The following SEC14L2 variants were observed in gnomAD, a reference collection of about 807,000 sequenced individuals.
SEC14L2 encodes SEC14 like lipid binding 2, also known as SEC14-like protein 2.
SEC14L2 carries 50 observed loss-of-function variants against 56.9 expected under a neutral mutation model. That is an observed-to-expected ratio of 0.88 (90% CI 0.70 to 1.11). The LOEUF (loss-of-function observed/expected upper bound fraction) is 1.11, where lower values mean the gene tolerates loss of function less well. Ranked by LOEUF, SEC14L2 falls within the 50% of genes most tolerant of loss-of-function variation. SEC14L2 has a pLI of 0.00. For synonymous variants in SEC14L2, 179 were observed against 188.5 expected (o/e 0.95, Z 0.41); for missense variants, 414 against 500.7 (o/e 0.83, Z 1.65).
chr22:30,421,899 ATTG>A (rs1490536797), intron 11 of SEC14L2: 1 of 173,594 alleles, frequency 5.8e-6, no homozygotes, highest in Non-Finnish European at 1.2e-5. Flanking sequence ...CACAGCTATT[ATTG>A]TTATTACAAC....
rs1601765562 is a variant in SEC14L2 at position 30,397,044 on chromosome 22, C to T, written c.-73C>T. Reference sequence around the variant, plus strand: ...ACTTTACTCCGGGTGGCGGCGAGGACGAGTCTGTGCTCCATCAGCTGCCGC... The same window carrying T: ...ACTTTACTCCGGGTGGCGGCGAGGATGAGTCTGTGCTCCATCAGCTGCCGC... On this transcript the variant is annotated 5_prime_UTR_variant, in exon 1 of 12. The change creates a new upstream start codon in the 5' untranslated region. Transcript: ENST00000615189. 7.4e-7 allele frequency: 1 copy of T among 1,350,762 alleles called. No individual in the cohort carries two copies. Among genetic ancestry groups the T allele is most frequent in the Non-Finnish European group, 1.0e-6 (1 of 969,408 alleles). The allele number at this position is 1,350,762 out of a possible 1,614,324, so 83.7% of individuals were successfully genotyped here. A position where few individuals can be genotyped will look rare whatever the true frequency, so the allele number is the denominator to read the frequency against.
chr22:30,416,283 A>T lies in SEC14L2; in HGVS notation c.961A>T (p.Lys321Ter). ...GGATGTTGGTTTTGGGATTTTCCTG[A>T]AGACCAAGATGGGAGAGAGGCAGCG... Reference protein sequence around the residue: ...GADVGFGIFLKTKMGERQRAG... With the variant: ...GADVGFGIFL Residue 321 changes from lysine (K) to a stop codon, truncating the protein, a stop_gained, in exon 11 of 12, where the codon AAG becomes TAG. Transcript: ENST00000615189. LOFTEE classifies it high-confidence loss of function. The T allele has an allele frequency of 6.2e-7, 1 of 1,614,236 alleles. No homozygotes were observed. Among genetic ancestry groups the T allele is most frequent in the Non-Finnish European group, 8.5e-7 (1 of 1,180,032 alleles).
In SEC14L2 at chr22:30,422,600, G is replaced by A; in HGVS notation, c.*193G>A. Reference sequence around the variant, plus strand: ...TCCGTGTCTATCAAATACCTAAGGAGTCCCCAGGAGCTGGCTGGCCATCGT... The same window carrying A: ...TCCGTGTCTATCAAATACCTAAGGAATCCCCAGGAGCTGGCTGGCCATCGT... On this transcript the variant is annotated 3_prime_UTR_variant, in exon 12 of 12. Coordinates refer to ENST00000615189, the MANE Select transcript of SEC14L2 (RefSeq NM_012429.5). The A allele has an allele frequency of 1.7e-6, 1 of 605,776 alleles. No homozygotes were observed. Among genetic ancestry groups the A allele is most frequent in the Non-Finnish European group, 2.8e-6 (1 of 359,490 alleles). 37.5% of individuals were successfully genotyped at this position (605,776 alleles called of 1,614,324 possible).
chr22:30,415,875 G>T lies in SEC14L2; in HGVS notation c.771+10G>T. On this transcript the variant is annotated intron_variant, in intron 9 of 11. Coordinates refer to ENST00000615189, the MANE Select transcript of SEC14L2 (RefSeq NM_012429.5). The stretch of plus-strand genomic sequence containing the variant: ...CAAGTGCAAATCCAAGGTATGAGCC[G>T]CCAGAGGCTAGAGGTGAACAGGGAT... The T allele has an allele frequency of 1.2e-6, 2 of 1,614,174 alleles. No individual in the cohort carries two copies. Among genetic ancestry groups the T allele is most frequent in the Non-Finnish European group, 1.7e-6 (2 of 1,180,022 alleles).
chr22:30,412,774 G>A (rs1314103867), intron 8 of SEC14L2, among the ~76,000 whole-genome samples: 1 of 147,538 alleles, frequency 6.8e-6, no homozygotes, highest in Non-Finnish European at 1.5e-5. Flanking sequence ...GGTGAGTCAT[G>A]ATGGGTGCCA....
chr22:30,413,084 T>C (rs1441879537), intron 8 of SEC14L2, among the ~76,000 whole-genome samples: 1 of 152,150 alleles, frequency 6.6e-6, no homozygotes, highest in Admixed American at 6.5e-5. Context: ...GAGAAAACTC[T>C]GGTCTGGAGA....
chr22:30,409,229 G>C lies in SEC14L2; in HGVS notation c.466G>C (p.Glu156Gln). The C allele has an allele frequency of 1.2e-6, 2 of 1,613,920 alleles. No homozygotes were observed. Among genetic ancestry groups the C allele is most frequent in the Non-Finnish European group, 1.7e-6 (2 of 1,180,000 alleles). ...GACCATCACCATAATTTATGACTGC[G>C]AGGGGCTTGGCCTCAAGCATCTCTG... Reference protein sequence around the residue: ...VETITIIYDCEGLGLKHLWKP... With the variant: ...VETITIIYDCQGLGLKHLWKP... Residue 156 changes from glutamate to glutamine, a missense_variant, in exon 6 of 12, where the codon GAG (glutamate) becomes CAG (glutamine). Coordinates refer to ENST00000615189, the MANE Select transcript of SEC14L2 (RefSeq NM_012429.5).
Position 30,397,148 on chromosome 22 carries a change from G to A in SEC14L2, c.32G>A (p.Arg11Lys), listed in dbSNP as rs757660. ...GGCAGAGTCGGCGATCTGAGCCCCA[G>A]GCAGAAGGAGGCATTGGCCAAGGTG... is the stretch of plus-strand genomic sequence containing the variant. MSGRVGDLSP[R>K]QKEALAKFRE... Residue 11 changes from arginine to lysine, a missense_variant, in exon 1 of 12, where the codon AGG (arginine) becomes AAG (lysine). Coordinates refer to ENST00000615189, the MANE Select transcript of SEC14L2 (RefSeq NM_012429.5). 0.32 allele frequency: 491,934 copies of A among 1,544,374 alleles called. 80,072 individuals carry two copies. The highest frequency in any genetic ancestry group is 0.41 in the African/African-American group (29,600 of 72,314).
intron 5 of SEC14L2, among the ~76,000 whole-genome samples, chr22:30,408,582 G>A (rs1472984072): frequency 6.6e-6 from 1 of 151,982 alleles, no homozygotes; most frequent in Non-Finnish European, 1.5e-5. Context: ...TAGACCCTGC[G>A]CCAAAAAAAA....
intron 3 of SEC14L2, 114 bp from the exon 4 acceptor site, chr22:30,406,981 G>T: frequency 1.1e-6 from 1 of 934,240 alleles, no homozygotes; most frequent in Non-Finnish European, 1.7e-6. Flanking sequence ...TGAACTCCTG[G>T]CCTCAAGTGA....
chr22:30,406,376 G>C lies in SEC14L2; in HGVS notation c.165G>C (p.Met55Ile). The change falls in exon 3 of 12, where the codon ATG (methionine) becomes ATC (isoleucine). Residue 55 changes from methionine to isoleucine, a missense_variant. Met to Ile is a conservative substitution (Grantham distance 10, BLOSUM62 1). Coordinates refer to ENST00000615189, the MANE Select transcript of SEC14L2 (RefSeq NM_012429.5). ...RSFDLQKSEA[M>I]LRKHVEFRKQ... ...TCGACCTGCAGAAGTCGGAGGCCAT[G>C]CTCCGGAAGGTGAGACACATTTGGC... is the stretch of plus-strand genomic sequence containing the variant. 2.5e-6 allele frequency: 4 copies of C among 1,614,082 alleles called. No homozygotes were observed. Among genetic ancestry groups the C allele is most frequent in the Non-Finnish European group, 3.4e-6 (4 of 1,179,962 alleles).
intron 1 of SEC14L2, chr22:30,398,786 AAG>A: frequency 2.1e-6 from 1 of 471,006 alleles, no homozygotes; most frequent in Non-Finnish European, 4.4e-6. Context: ...CCATGGTGGA[AAG>A]AGTGTGTGCT....
Position 30,397,229 on chromosome 22 carries a change from G to T in SEC14L2, c.54+59G>T, listed in dbSNP as rs1449835028. On this transcript the variant is annotated intron_variant, in intron 1 of 11. Coordinates refer to ENST00000615189, the MANE Select transcript of SEC14L2 (RefSeq NM_012429.5). ...GGGCTGTGGCCCTCGCCCTCCTGCGGCAGCGAGAAGGGACGGGGCTGGGTG... is the reference window on the plus strand; with the variant it reads ...GGGCTGTGGCCCTCGCCCTCCTGCGTCAGCGAGAAGGGACGGGGCTGGGTG... 5 of 1,403,920 alleles carry T rather than the reference G, an allele frequency of 3.6e-6. No homozygotes were observed. In the East Asian group the frequency reaches 1.4e-4, roughly 39 times the overall value. The allele number at this position is 1,403,920 out of a possible 1,614,324, so 87.0% of individuals were successfully genotyped here.
rs1236823867 is a variant in SEC14L2, at chr22:30,424,833, G to T, written c.*2426G>T. 2 of 456,668 alleles carry T rather than the reference G, an allele frequency of 4.4e-6. No homozygotes were observed. Among genetic ancestry groups the T allele is most frequent in the Middle Eastern group, 3.3e-4 (1 of 3,074 alleles). 28.3% of individuals were successfully genotyped at this position (456,668 alleles called of 1,614,324 possible). ...CTGGGTGAACTGAGGTCCAGCGGGG[G>T]AAGGCTTCCTCCTGTTGTAATCACT... On this transcript the variant is annotated 3_prime_UTR_variant, in exon 12 of 12. Coordinates refer to ENST00000615189, the MANE Select transcript of SEC14L2 (RefSeq NM_012429.5).
At chr22:30,398,875 C>T in intron 1 of SEC14L2, 1 of 453,222 alleles carries the variant, frequency 2.2e-6, no homozygotes, top group East Asian at 7.2e-5. Flanking sequence ...TGTTACTTAG[C>T]CTCTCTGAGC....
chr22:30,408,085 G>A lies in SEC14L2; in HGVS notation c.423+482G>A, dbSNP rs1236742964. 6.6e-5 allele frequency among the ~76,000 whole-genome samples: 10 copies of A among 151,388 alleles called. No individual in the cohort carries two copies. The South Asian group carries it at 2.1e-3, about 32-fold the overall frequency. ...AGATCGTGCCACTGCACTCCAGCCT[G>A]GGCGACAGAGACTCCATCTCAAAAA... On this transcript the variant is annotated intron_variant, in intron 5 of 11. Coordinates refer to ENST00000615189, the MANE Select transcript of SEC14L2 (RefSeq NM_012429.5).
chr22:30,397,315 G>A (rs1363237394), intron 1 of SEC14L2, 145 bp downstream of exon 1: 2 of 756,094 alleles, frequency 2.6e-6, no homozygotes, highest in Non-Finnish European at 4.0e-6. Context: ...AGCCTGGCCC[G>A]CGCCCGCGGA....
rs372444512 is a variant in SEC14L2 at position 30,418,092 on chromosome 22, G to C, written c.1081+1689G>C. Among the ~76,000 whole-genome samples, 15 of 152,134 alleles carry C rather than the reference G, an allele frequency of 9.9e-5. No homozygotes were observed. The East Asian group carries it at 1.5e-3, about 16-fold the overall frequency. ...CTTGAATTTTTTTGTCTGTTTCTTT[G>C]TTTTTAGTAGAGACGAGGTATCGCT... On this transcript the variant is annotated intron_variant, in intron 11 of 11. Transcript: ENST00000615189.
At chr22:30,398,056 TC>T (rs1365133546) in intron 1 of SEC14L2, among the ~76,000 whole-genome samples, 1 of 152,184 alleles carries the variant, frequency 6.6e-6, no homozygotes, top group East Asian at 1.9e-4. Context: ...TGGGGAGTTT[TC>T]CATGGCTGGG....
Sources: allele counts gnomAD v4.1 joint callset (sites outside exome capture counted in the v4.1 genomes callset), GRCh38; gene constraint gnomAD v4.1.1; transcripts MANE v1.5; gene names NCBI Gene and HGNC (gene_info 2026-07-23, HGNC 2026-07-21).